The following XRCC4 variants were observed in gnomAD, a reference collection of about 807,000 sequenced individuals.
XRCC4 encodes X-ray repair cross complementing 4, also known as DNA repair protein XRCC4.
A neutral mutation model predicts 39.1 loss-of-function variants in XRCC4; 28 were observed. The ratio of observed to expected loss-of-function variants is 0.72; its 90% CI spans 0.53 to 0.98. The LOEUF is 0.98. Ranked by LOEUF, XRCC4 falls within the 50% of genes least tolerant of loss-of-function variation. The probability of loss-of-function intolerance (pLI) is 0.00; values close to 1 mark genes in which losing one functional copy is unlikely to be tolerated. For synonymous variants in XRCC4, 123 were observed against 126.4 expected, an observed-to-expected ratio of 0.97 and a Z score of 0.18; for missense variants, 350 against 376.4, an observed-to-expected ratio of 0.93 and a Z score of 0.58.
At chr5:83,235,773 A>G (rs1428140508) in intron 6 of XRCC4, among the ~76,000 whole-genome samples, 1 of 152,222 alleles carries the variant, frequency 6.6e-6, no homozygotes, top group African/African-American at 2.4e-5. Flanking sequence ...GGAAAGGAAG[A>G]AGTTAAATTA....
chr5:83,174,871 G>A (rs1749882019), intron 3 of XRCC4, among the ~76,000 whole-genome samples: 1 of 149,938 alleles, frequency 6.7e-6, no homozygotes. Flanking sequence ...TCATGGTGTG[G>A]TATTATAATC....
chr5:83,264,278 C>A (rs1753876177), intron 7 of XRCC4, among the ~76,000 whole-genome samples: 1 of 152,044 alleles, frequency 6.6e-6, no homozygotes, highest in Non-Finnish European at 1.5e-5. Context: ...TTTTCAGGGT[C>A]CTAAAGAGCT....
chr5:83,120,010 A>T (rs982464771), intron 3 of XRCC4, among the ~76,000 whole-genome samples: 10 of 151,350 alleles, frequency 6.6e-5, no homozygotes, highest in African/African-American at 2.4e-4. Context: ...AAAAAAAAAA[A>T]AAAAACAATA....
intron 7 of XRCC4, among the ~76,000 whole-genome samples, chr5:83,335,171 A>T (rs919692616): frequency 1.1e-4 from 16 of 151,982 alleles, no homozygotes; most frequent in African/African-American, 3.9e-4. Flanking sequence ...AGATATTTGC[A>T]TTGGGTTTGT....
intron 3 of XRCC4, among the ~76,000 whole-genome samples, chr5:83,148,681 AAAC>A (rs1748569078): frequency 6.6e-6 from 1 of 152,152 alleles, no homozygotes; most frequent in Non-Finnish European, 1.5e-5. Context: ...ACATTTTTAA[AAAC>A]AATGATTAAG....
chr5:83,170,688 C>T (rs1018223312), intron 3 of XRCC4, among the ~76,000 whole-genome samples: 3 of 152,122 alleles, frequency 2.0e-5, no homozygotes, highest in Non-Finnish European at 2.9e-5. Flanking sequence ...ACCCAGTCCC[C>T]TTTAAGGGCT....
chr5:83,334,674 C>CAT (rs150054914), intron 7 of XRCC4, among the ~76,000 whole-genome samples: 18,601 of 147,690 alleles, frequency 0.13, 1,587 homozygotes, highest in East Asian at 0.47. Context: ...TATGTGTGTG[C>CAT]ATATATATAT....
chr5:83,248,181 G>C lies in XRCC4; in HGVS notation c.746-10349G>C, dbSNP rs574357401. On this transcript the variant is annotated intron_variant, in intron 6 of 7. Coordinates refer to ENST00000396027, the MANE Select transcript of XRCC4 (RefSeq NM_003401.5). ...GTGCAAACCCAGGAGTAGAGTGAGAGAATGGTACATCTAACAAAATTCAGT... is the reference window on the plus strand; with the variant it reads ...GTGCAAACCCAGGAGTAGAGTGAGACAATGGTACATCTAACAAAATTCAGT... Among the ~76,000 whole-genome samples, 191 of 152,266 alleles carry C rather than the reference G, an allele frequency of 1.3e-3. 1 individual carries two copies. The highest frequency in any genetic ancestry group is 2.1e-3 in the Non-Finnish European group (146 of 68,016).
chr5:83,199,744 A>AT (rs933828297), intron 4 of XRCC4, among the ~76,000 whole-genome samples: 1 of 149,916 alleles, frequency 6.7e-6, no homozygotes, highest in Non-Finnish European at 1.5e-5. Context: ...ATTTTTTTGT[A>AT]TTTTTTTATC....
chr5:83,347,394 G>A (rs1485736007), intron 7 of XRCC4, among the ~76,000 whole-genome samples: 1 of 152,126 alleles, frequency 6.6e-6, no homozygotes, highest in African/African-American at 2.4e-5. Context: ...GCAGGCTTAT[G>A]CTGCTGGGGA....
chr5:83,192,341 C>T (rs1219493369), intron 3 of XRCC4, among the ~76,000 whole-genome samples: 3 of 144,992 alleles, frequency 2.1e-5, no homozygotes, highest in African/African-American at 7.8e-5. Context: ...CGGAGTCTTG[C>T]TCTGTCACCA....
intron 3 of XRCC4, among the ~76,000 whole-genome samples, chr5:83,182,049 A>G (rs557351922): frequency 6.6e-6 from 1 of 152,264 alleles, no homozygotes; most frequent in South Asian, 2.1e-4. Flanking sequence ...CCTTTCCCCA[A>G]ACAGGAAGAA....
intron 3 of XRCC4, among the ~76,000 whole-genome samples, chr5:83,175,594 G>A (rs949628532): frequency 2.0e-5 from 3 of 152,000 alleles, no homozygotes; most frequent in African/African-American, 7.2e-5. Flanking sequence ...TTACTTGAGG[G>A]CCAGGAGTTT....
At chr5:83,214,992 A>G (rs1394996730) in intron 6 of XRCC4, among the ~76,000 whole-genome samples, 1 of 152,158 alleles carries the variant, frequency 6.6e-6, no homozygotes, top group Non-Finnish European at 1.5e-5. Flanking sequence ...GAGAGAAATT[A>G]AAGAAGACTT....
intron 3 of XRCC4, among the ~76,000 whole-genome samples, chr5:83,136,130 A>G (rs2112500935): frequency 6.6e-6 from 1 of 152,308 alleles, no homozygotes; most frequent in South Asian, 2.1e-4. Context: ...TATTGAGGCA[A>G]AATACTTCTG....
At chr5:83,257,665 G>A (rs543170031) in intron 6 of XRCC4, among the ~76,000 whole-genome samples, 41 of 152,268 alleles carry the variant, frequency 2.7e-4, no homozygotes, top group Admixed American at 1.2e-3. Context: ...AATACCATTT[G>A]ACCCAGCAAT....
intron 3 of XRCC4, among the ~76,000 whole-genome samples, chr5:83,135,569 A>G (rs938941352): frequency 7.9e-5 from 12 of 151,656 alleles, no homozygotes; most frequent in Admixed American, 3.9e-4. Flanking sequence ...TATGTATATT[A>G]TGTTTCTGAA....
chr5:83,225,803 A>G (rs7711692), intron 6 of XRCC4, among the ~76,000 whole-genome samples: 6,569 of 151,460 alleles, frequency 0.043, 442 homozygotes, highest in African/African-American at 0.15. Context: ...CTGCTACGAG[A>G]TAGTGAGAGC....
At chr5:83,185,193 G>A (rs1750380758) in intron 3 of XRCC4, among the ~76,000 whole-genome samples, 3 of 151,782 alleles carry the variant, frequency 2.0e-5, no homozygotes, top group African/African-American at 7.3e-5. Context: ...AAGAGTAAAC[G>A]ATGGAAAACA....
Sources: gnomAD v4.1 joint callset for allele counts (sites outside exome capture counted in the v4.1 genomes callset) on GRCh38, gnomAD v4.1.1 for gene constraint, MANE v1.5 for transcripts, NCBI Gene and HGNC (gene_info 2026-07-23, HGNC 2026-07-21) for gene names.